PTPRO: variants seen among roughly 807,000 people sequenced by gnomAD.
PTPRO encodes the protein receptor-type tyrosine-protein phosphatase O.
In PTPRO, 62 loss-of-function variants were observed where a neutral mutation model predicts 145.2. The observed-to-expected ratio is 0.43, with a 90% CI of 0.35 to 0.53. PTPRO has a LOEUF of 0.53. Ranked by LOEUF, PTPRO falls within the 20% of genes least tolerant of loss-of-function variation. The probability of loss-of-function intolerance (pLI) is 0.01; values close to 1 mark genes in which losing one functional copy is unlikely to be tolerated. For missense variants in PTPRO, 1,345 were observed against 1,482.7 expected, an observed-to-expected ratio of 0.91 and a Z score of 1.53; for synonymous variants, 565 against 514.7, an observed-to-expected ratio of 1.10 and a Z score of -1.32.
At chr12:15,458,686 G>A (rs1238369224) in intron 1 of PTPRO, among the ~76,000 whole-genome samples, 4 of 151,098 alleles carry the variant, frequency 2.6e-5, no homozygotes, top group African/African-American at 9.7e-5. Flanking sequence ...TTCTGAGCTG[G>A]TTTCTTGGTA....
At chr12:15,430,970 G>A (rs981214058) in intron 1 of PTPRO, among the ~76,000 whole-genome samples, 4 of 152,120 alleles carry the variant, frequency 2.6e-5, no homozygotes, top group Non-Finnish European at 5.9e-5. Context: ...AGAATATATG[G>A]AAATAGTAAT....
At chr12:15,579,179 T>C (rs994897312) in intron 20 of PTPRO, among the ~76,000 whole-genome samples, 1 of 152,216 alleles carries the variant, frequency 6.6e-6, no homozygotes, top group Non-Finnish European at 1.5e-5. Flanking sequence ...AGACTGATCA[T>C]TTGGCCCTTT....
At chr12:15,549,581 G>A (rs780506979) in intron 14 of PTPRO, among the ~76,000 whole-genome samples, 22 of 152,062 alleles carry the variant, frequency 1.4e-4, no homozygotes, top group Admixed American at 5.2e-4. Flanking sequence ...CATCTATTTA[G>A]CCTTGGTCTT....
At chr12:15,390,742 G>A (rs1939166220) in intron 1 of PTPRO, among the ~76,000 whole-genome samples, 1 of 151,966 alleles carries the variant, frequency 6.6e-6, no homozygotes, top group South Asian at 2.1e-4. Context: ...GAACTTATTA[G>A]CACAGCAGTG....
chr12:15,364,057 A>C (rs1364331099), intron 1 of PTPRO, among the ~76,000 whole-genome samples: 1 of 152,216 alleles, frequency 6.6e-6, no homozygotes, highest in Non-Finnish European at 1.5e-5. Context: ...GATTACTTTC[A>C]TAATTCTGAC....
chr12:15,415,818 C>G lies in PTPRO; in HGVS notation c.76-68156C>G, dbSNP rs1939955789. ...GTTTGAAGTATCTAAGTAATGACAA[C>G]CAGCCTGAACTATTAAAAGGATGTC... On this transcript the variant is annotated intron_variant, in intron 1 of 26. Transcript: ENST00000281171. 2.0e-5 allele frequency among the ~76,000 whole-genome samples: 3 copies of G among 151,760 alleles called. No homozygotes were observed. The South Asian group carries it at 6.2e-4, about 31-fold the overall frequency.
chr12:15,553,896 T>C (rs762971275), intron 15 of PTPRO, among the ~76,000 whole-genome samples: 15 of 152,122 alleles, frequency 9.9e-5, no homozygotes, highest in Non-Finnish European at 1.8e-4. Context: ...GATTTGCTAA[T>C]AAGTTGATAT....
intron 1 of PTPRO, among the ~76,000 whole-genome samples, chr12:15,447,765 A>G (rs554124473): frequency 1.4e-4 from 22 of 152,248 alleles, no homozygotes; most frequent in African/African-American, 5.3e-4. Flanking sequence ...TCTTTGAACA[A>G]AAAGGACAAT....
At position 15,534,644 on chromosome 12, in the gene PTPRO, A is replaced by G. The variant is rs376474785; in HGVS notation, c.2164+8382A>G. Among the ~76,000 whole-genome samples, 8 of 152,342 alleles carry G rather than the reference A, an allele frequency of 5.3e-5. No homozygotes were observed. In the East Asian group the frequency reaches 9.6e-4, roughly 18 times the overall value. On this transcript the variant is annotated intron_variant, in intron 12 of 26. Transcript: ENST00000281171. ...TGAATAACAAGAAGAACCAGCCACAAAAAGGCCAAGAAGGAGGATGCCAGA... is the reference window on the plus strand; with the variant it reads ...TGAATAACAAGAAGAACCAGCCACAGAAAGGCCAAGAAGGAGGATGCCAGA...
At chr12:15,354,059 G>A (rs893850441) in intron 1 of PTPRO, among the ~76,000 whole-genome samples, 1 of 152,092 alleles carries the variant, frequency 6.6e-6, no homozygotes, top group Non-Finnish European at 1.5e-5. Flanking sequence ...TGTCTATGGT[G>A]TTGGCTATTG....
chr12:15,580,117 T>C lies in PTPRO; in HGVS notation c.2997+2T>C, dbSNP rs1468445093. On this transcript the variant is annotated splice_donor_variant, in intron 21 of 26. Transcript: ENST00000281171. LOFTEE classifies it high-confidence loss of function. ...TACATCAATGCCAACTATATTCCTG[T>C]AAGTAGAAAAAAAAAATCAGGCATC... 6.2e-7 allele frequency: 1 copy of C among 1,608,904 alleles called. No individual in the cohort carries two copies. The highest frequency in any genetic ancestry group is 8.5e-7 in the Non-Finnish European group (1 of 1,177,456).
At chr12:15,518,803 C>T (rs1397234218) in intron 9 of PTPRO, among the ~76,000 whole-genome samples, 1 of 152,210 alleles carries the variant, frequency 6.6e-6, no homozygotes, top group Non-Finnish European at 1.5e-5. Flanking sequence ...CCATCTGAGA[C>T]CACCTCAGCC....
chr12:15,527,416 G>A (rs1942863769), intron 12 of PTPRO, among the ~76,000 whole-genome samples: 1 of 152,192 alleles, frequency 6.6e-6, no homozygotes, highest in Non-Finnish European at 1.5e-5. Flanking sequence ...CCCACAGGAA[G>A]CATCGTGACT....
At chr12:15,336,392 C>T (rs1020186175) in intron 1 of PTPRO, among the ~76,000 whole-genome samples, 5 of 152,086 alleles carry the variant, frequency 3.3e-5, no homozygotes, top group Admixed American at 3.3e-4. Context: ...AGTGTATTTG[C>T]ATTGTTAAAG....
chr12:15,428,885 A>C (rs974255438), intron 1 of PTPRO, among the ~76,000 whole-genome samples: 1 of 152,154 alleles, frequency 6.6e-6, no homozygotes. Context: ...ATGATTGCCA[A>C]AAAAGTGCAC....
intron 12 of PTPRO, among the ~76,000 whole-genome samples, chr12:15,527,875 A>AACCCCCCCCCCCCCCCCCCCCCCCCCCC (rs1942873389): frequency 7.3e-6 from 1 of 137,648 alleles, no homozygotes; most frequent in Non-Finnish European, 1.6e-5. Flanking sequence ...GGGAACTGTG[A>AACCCCCCCCCCCCCCCCCCCCCCCCCCC]CCCGCCCACG....
At chr12:15,381,635 A>G (rs560277331) in intron 1 of PTPRO, among the ~76,000 whole-genome samples, 138 of 152,262 alleles carry the variant, frequency 9.1e-4, no homozygotes, top group African/African-American at 3.2e-3. Context: ...GGAAAGGGAA[A>G]GGGGTCATGT....
intron 2 of PTPRO, 89 bp downstream of exon 2, chr12:15,484,336 A>G (rs1941842349): frequency 6.7e-7 from 1 of 1,485,372 alleles, no homozygotes; most frequent in East Asian, 2.3e-5. Flanking sequence ...TCCACCCAGA[A>G]TGGCAAAATC....
intron 12 of PTPRO, among the ~76,000 whole-genome samples, chr12:15,538,875 G>C (rs1236582264): frequency 6.6e-6 from 1 of 152,216 alleles, no homozygotes; most frequent in Non-Finnish European, 1.5e-5. Flanking sequence ...CCATAGCAAA[G>C]TAACTCAGAC....
Sources: allele counts gnomAD v4.1 joint callset (sites outside exome capture counted in the v4.1 genomes callset), GRCh38; gene constraint gnomAD v4.1.1; transcripts MANE v1.5; gene names NCBI Gene and HGNC (gene_info 2026-07-23, HGNC 2026-07-21).